Variants in ARMC8 observed in about 807,000 individuals in gnomAD.
The protein encoded by ARMC8 is armadillo repeat-containing protein 8.
In ARMC8, 20 loss-of-function variants were observed where a neutral mutation model predicts 99.3. The ratio of observed to expected loss-of-function variants is 0.20; its 90% confidence interval spans 0.14 to 0.29. The LOEUF (loss-of-function observed/expected upper bound fraction) is 0.29, where lower values mean the gene tolerates loss of function less well. Ranked by LOEUF, ARMC8 falls within the 10% of genes least tolerant of loss-of-function variation. The probability of loss-of-function intolerance (pLI) is 1.00; values close to 1 mark genes in which losing one functional copy is unlikely to be tolerated. For synonymous variants in ARMC8, 263 were observed against 278.3 expected, an observed-to-expected ratio of 0.95 and a Z score of 0.55; for missense variants, 569 against 809.5, an observed-to-expected ratio of 0.70 and a Z score of 3.60.
chr3:138,237,541 C>A lies in ARMC8; in HGVS notation c.745C>A (p.Pro249Thr). Reference sequence around the variant, plus strand: ...TGTGAAGATGTTACAGAGGGATAAGCCTATTGAGATGCAGCTCACATCAGC... The same window carrying A: ...TGTGAAGATGTTACAGAGGGATAAGACTATTGAGATGCAGCTCACATCAGC... Reference protein sequence around the residue: ...IFVKMLQRDKPIEMQLTSAKC... With the variant: ...IFVKMLQRDKTIEMQLTSAKC... The change falls in exon 9 of 22, where the codon CCT (proline) becomes ACT (threonine). Residue 249 changes from proline to threonine, a missense_variant. Coordinates refer to ENST00000469044, the MANE Select transcript of ARMC8 (RefSeq NM_001363941.2). 3.7e-6 allele frequency: 6 copies of A among 1,613,410 alleles called. No individual in the cohort carries two copies. The highest frequency in any genetic ancestry group is 4.2e-6 in the Non-Finnish European group (5 of 1,179,908).
At chr3:138,233,602 A>C (rs948559076) in intron 6 of ARMC8, among the ~76,000 whole-genome samples, 3 of 152,220 alleles carry the variant, frequency 2.0e-5, no homozygotes, top group Non-Finnish European at 4.4e-5. Context: ...AATACATAAA[A>C]TATTTGGGGA....
intron 10 of ARMC8, among the ~76,000 whole-genome samples, chr3:138,239,981 T>C (rs2046529048): frequency 6.6e-6 from 1 of 152,152 alleles, no homozygotes; most frequent in Admixed American, 6.5e-5. Flanking sequence ...AAAACAAGCA[T>C]TGTCATTGTG....
intron 18 of ARMC8, among the ~76,000 whole-genome samples, chr3:138,277,646 A>T (rs1385366532): frequency 1.3e-5 from 2 of 152,240 alleles, no homozygotes; most frequent in South Asian, 2.1e-4. Context: ...AAATTTTTTT[A>T]AAACAGTACA....
intron 12 of ARMC8, among the ~76,000 whole-genome samples, chr3:138,256,523 G>T (rs1485458535): frequency 7.1e-6 from 1 of 139,892 alleles, no homozygotes; most frequent in Non-Finnish European, 1.5e-5. Flanking sequence ...CCATTCTCCC[G>T]CCTCAGCTTC....
intron 1 of ARMC8, among the ~76,000 whole-genome samples, 195 bp from the exon 2 acceptor site, chr3:138,209,622 T>C (rs1334052713): frequency 6.6e-6 from 1 of 152,208 alleles, no homozygotes; most frequent in East Asian, 1.9e-4. Flanking sequence ...AGTTTCCCAT[T>C]ATTTTGATAC....
chr3:138,268,024 C>T (rs1242466845), intron 15 of ARMC8, among the ~76,000 whole-genome samples: 1 of 152,092 alleles, frequency 6.6e-6, no homozygotes, highest in Non-Finnish European at 1.5e-5. Flanking sequence ...AGGCAGAACA[C>T]TTGAGGTCAG....
chr3:138,233,850 A>G (rs1245352050), intron 6 of ARMC8, among the ~76,000 whole-genome samples: 2 of 152,160 alleles, frequency 1.3e-5, no homozygotes, highest in Admixed American at 6.5e-5. Context: ...TTCTCTTCTG[A>G]GTGATGATAA....
intron 18 of ARMC8, among the ~76,000 whole-genome samples, chr3:138,275,545 C>T (rs1244802401): frequency 1.3e-5 from 2 of 151,098 alleles, no homozygotes; most frequent in Non-Finnish European, 2.9e-5. Context: ...GGCGGAAGAG[C>T]GAGACTCTGT....
chr3:138,208,152 T>C (rs1023474615), intron 1 of ARMC8, among the ~76,000 whole-genome samples: 1 of 151,962 alleles, frequency 6.6e-6, no homozygotes, highest in Admixed American at 6.6e-5. Flanking sequence ...TGAGGATATT[T>C]TGGTAGCAAA....
At chr3:138,239,415 A>T (rs192191819) in intron 9 of ARMC8, 53 bp from the exon 10 acceptor site, 1 of 1,347,956 alleles carries the variant, frequency 7.4e-7, no homozygotes, top group South Asian at 1.3e-5. Context: ...ATAATTTTTC[A>T]TTTAAAGCTT....
intron 5 of ARMC8, 40 bp from the exon 6 acceptor site, chr3:138,228,878 T>A: frequency 8.3e-7 from 1 of 1,201,758 alleles, no homozygotes; most frequent in Non-Finnish European, 1.2e-6. Flanking sequence ...AATGTACTCA[T>A]GGTGCCTGAG....
In ARMC8 at chr3:138,223,621, C is replaced by T; in HGVS notation, c.338-15C>T. 6.2e-7 allele frequency: 1 copy of T among 1,613,802 alleles called. No homozygotes were observed. On this transcript the variant is annotated splice_polypyrimidine_tract_variant and intron_variant, in intron 4 of 21. Coordinates refer to ENST00000469044, the MANE Select transcript of ARMC8 (RefSeq NM_001363941.2). ...GGTTGAAAGGATTAGTCCTAAATCT[C>T]ATTTCTGTTAATAGGACTACTGTCC...
intron 12 of ARMC8, among the ~76,000 whole-genome samples, chr3:138,261,040 C>G (rs1490756095): frequency 6.6e-6 from 1 of 152,178 alleles, no homozygotes; most frequent in Non-Finnish European, 1.5e-5. Context: ...GCTTTTGTTT[C>G]CTTCCCATAT....
At chr3:138,190,045 A>G (rs2043287605) in intron 1 of ARMC8, among the ~76,000 whole-genome samples, 1 of 151,686 alleles carries the variant, frequency 6.6e-6, no homozygotes, top group South Asian at 2.1e-4. Flanking sequence ...TTCTCTTCCC[A>G]TGACCACCCT....
At chr3:138,260,095 C>G (rs1253325112) in intron 12 of ARMC8, among the ~76,000 whole-genome samples, 1 of 152,172 alleles carries the variant, frequency 6.6e-6, no homozygotes, top group Non-Finnish European at 1.5e-5. Context: ...GTTTCAAAAC[C>G]ATGCCTGTCA....
rs149684533 is a variant in ARMC8, at chr3:138,242,912, G to A, written c.1038+929G>A. On this transcript the variant is annotated intron_variant, in intron 11 of 21. Coordinates refer to ENST00000469044, the MANE Select transcript of ARMC8 (RefSeq NM_001363941.2). The stretch of plus-strand genomic sequence containing the variant: ...CTTCACTGGTATTTGTATTAGTAAT[G>A]TACTCTACTCTCTGGGTATTAAACT... 2.6e-5 allele frequency among the ~76,000 whole-genome samples: 4 copies of A among 152,308 alleles called. No homozygotes were observed. In the East Asian group the frequency reaches 7.7e-4, roughly 29 times the overall value.
intron 1 of ARMC8, chr3:138,188,022 C>A: frequency 4.1e-6 from 1 of 243,828 alleles, no homozygotes; most frequent in Non-Finnish European, 8.0e-6. Flanking sequence ...CTCTCCCGGG[C>A]TTTGGCAAGA....
At chr3:138,289,461 C>T (rs553246096) in intron 20 of ARMC8, among the ~76,000 whole-genome samples, 5 of 152,208 alleles carry the variant, frequency 3.3e-5, no homozygotes, top group South Asian at 2.1e-4. Context: ...ATGAGCCTTT[C>T]GTTTTGAGCA....
Position 138,255,946 on chromosome 3 carries a change from A to G in ARMC8, c.1135-7793A>G, listed in dbSNP as rs141772374. Among the ~76,000 whole-genome samples, 1,132 of 152,346 alleles carry G rather than the reference A, an allele frequency of 7.4e-3. 9 individuals are homozygous for G. The highest frequency in any genetic ancestry group is 0.026 in the African/African-American group (1,061 of 41,582). On this transcript the variant is annotated intron_variant, in intron 12 of 21. Transcript: ENST00000469044. The stretch of plus-strand genomic sequence containing the variant: ...AGTGAGCCTAGATTTCGCCTGGGCG[A>G]CAGAGTGAGACTCCATCTCAAAAAA...
Sources: gnomAD v4.1 joint callset for allele counts (sites outside exome capture counted in the v4.1 genomes callset) on GRCh38, gnomAD v4.1.1 for gene constraint, MANE v1.5 for transcripts, NCBI Gene and HGNC (gene_info 2026-07-23, HGNC 2026-07-21) for gene names.